The following CSMD3 variants were observed in gnomAD, a reference collection of about 807,000 sequenced individuals.
CSMD3 encodes CUB and Sushi multiple domains 3, also known as CUB and sushi domain-containing protein 3.
CSMD3 carries 177 observed loss-of-function variants against 435.2 expected under a neutral mutation model. The observed-to-expected ratio is 0.41, with a 90% CI of 0.36 to 0.46. The LOEUF (loss-of-function observed/expected upper bound fraction) is 0.46. CSMD3 is among the 20% of genes least tolerant of loss of function. The probability of loss-of-function intolerance (pLI) is 0.34; values close to 1 mark genes in which losing one functional copy is unlikely to be tolerated. For missense variants in CSMD3, 4,265 were observed against 4,504.6 expected (o/e 0.95, Z 1.52); for synonymous variants, 1,656 against 1,520.5 (o/e 1.09, Z -2.07).
intron 28 of CSMD3, among the ~76,000 whole-genome samples, chr8:112,516,013 G>A (rs1823636194): frequency 6.6e-6 from 1 of 152,014 alleles, no homozygotes; most frequent in South Asian, 2.1e-4. Context: ...ACAAGATGGG[G>A]TAAAATAAAT....
chr8:113,111,003 C>T (rs563961206), intron 4 of CSMD3, among the ~76,000 whole-genome samples: 1 of 152,106 alleles, frequency 6.6e-6, no homozygotes, highest in South Asian at 2.1e-4. Context: ...GGCACTATTC[C>T]CATTCATGAG....
chr8:112,337,941 CAATT>C (rs1421575785), intron 42 of CSMD3, among the ~76,000 whole-genome samples: 1 of 152,092 alleles, frequency 6.6e-6, no homozygotes, highest in Non-Finnish European at 1.5e-5. Flanking sequence ...AATGTTAGTA[CAATT>C]AATAAAAACG....
At chr8:112,451,433 TTAAAAG>T (rs1816255468) in intron 32 of CSMD3, among the ~76,000 whole-genome samples, 2 of 152,284 alleles carry the variant, frequency 1.3e-5, no homozygotes, top group South Asian at 2.1e-4. Flanking sequence ...TCAATATGAT[TTAAAAG>T]TAAAAGTTTT....
chr8:113,295,100 GCATATAATAAGC>G (rs1342065391), intron 2 of CSMD3, among the ~76,000 whole-genome samples: 3 of 152,050 alleles, frequency 2.0e-5, no homozygotes, highest in Non-Finnish European at 2.9e-5. Context: ...TTTGAAACAG[GCATATAATAAGC>G]CATAATCACA....
chr8:112,273,153 AT>A lies in CSMD3; in HGVS notation c.9509-7564del, dbSNP rs576489379. Among the ~76,000 whole-genome samples, 20 of 152,324 alleles carry A rather than the reference AT, an allele frequency of 1.3e-4. No homozygotes were observed. In the South Asian group the frequency reaches 3.7e-3, roughly 28 times the overall value. On this transcript the variant is annotated intron_variant, in intron 59 of 70. Transcript: ENST00000297405. ...GAAAAATGAAGACAATTCAATAAAA[AT>A]GTCAATGTAATTTTCAATCACAAAA...
chr8:113,234,090 C>T (rs1335931905), intron 3 of CSMD3, among the ~76,000 whole-genome samples: 3 of 152,060 alleles, frequency 2.0e-5, no homozygotes, highest in Admixed American at 2.0e-4. Flanking sequence ...AAAAAATATC[C>T]TTGGAAAGAT....
chr8:112,243,651 T>G (rs1056769606), intron 65 of CSMD3, among the ~76,000 whole-genome samples: 2 of 152,116 alleles, frequency 1.3e-5, no homozygotes, highest in African/African-American at 4.8e-5. Flanking sequence ...CTACTAGGGT[T>G]ACTCTGGCAG....
In CSMD3 at chr8:112,304,896, G is replaced by C. The variant is rs753078472; in HGVS notation, c.8091C>G (p.Ile2697Met). The C allele has an allele frequency of 1.9e-6, 3 of 1,613,590 alleles. No homozygotes were observed. Among genetic ancestry groups the C allele is most frequent in the South Asian group, 1.1e-5 (1 of 91,050 alleles). The change falls in exon 52 of 71, where the codon ATC becomes ATG. Residue 2697 changes from isoleucine (I) to methionine (M), a missense_variant. Ile to Met is a conservative substitution (Grantham distance 10, BLOSUM62 1). Around this residue, in one of 3 missense-constraint regions of CSMD3, gnomAD observed 3,255 missense variants for 3,380.2 expected, o/e 0.96. Coordinates refer to ENST00000297405, the MANE Select transcript of CSMD3 (RefSeq NM_198123.2). ...TTCCATGTTCCAAGATAAAGGAATT[G>C]ATGCTTGGACATGTAACAACTATAC... is the stretch of plus-strand genomic sequence containing the variant. The part of the protein sequence containing the change: ...PRCVVVTCPS[I>M]NSFILEHGRW...
intron 11 of CSMD3, among the ~76,000 whole-genome samples, chr8:112,842,925 T>C (rs1471264584): frequency 6.6e-6 from 1 of 151,838 alleles, no homozygotes; most frequent in Non-Finnish European, 1.5e-5. Context: ...TGATTCAAGA[T>C]GTTAAAATGA....
intron 68 of CSMD3, 120 bp from the exon 69 acceptor site, chr8:112,231,752 AT>A (rs1415000894): frequency 2.7e-6 from 2 of 746,406 alleles, no homozygotes; most frequent in Admixed American, 2.3e-5. Context: ...TTTCTTCTAT[AT>A]TTTTCTCCTT....
chr8:113,398,232 T>G (rs999242733), intron 1 of CSMD3, among the ~76,000 whole-genome samples: 1 of 152,228 alleles, frequency 6.6e-6, no homozygotes, highest in African/African-American at 2.4e-5. Flanking sequence ...GCTTAAGGTA[T>G]GAAATAATTA....
chr8:112,299,075 G>A (rs183525639), intron 53 of CSMD3, among the ~76,000 whole-genome samples: 1 of 152,028 alleles, frequency 6.6e-6, no homozygotes, highest in Admixed American at 6.6e-5. Flanking sequence ...AGATAAAAGA[G>A]AATAAAAGAA....
intron 31 of CSMD3, among the ~76,000 whole-genome samples, chr8:112,491,522 C>T (rs566413612): frequency 8.6e-5 from 13 of 152,028 alleles, no homozygotes; most frequent in African/African-American, 2.4e-4. Context: ...TGGTGGTGTG[C>T]ACCTGTAATC....
At chr8:113,025,549 G>A (rs909896086) in intron 5 of CSMD3, among the ~76,000 whole-genome samples, 1 of 152,162 alleles carries the variant, frequency 6.6e-6, no homozygotes, top group Non-Finnish European at 1.5e-5. Flanking sequence ...TGGTCCAGGA[G>A]CATACCGATG....
At chr8:112,444,263 T>G (rs1238283952) in intron 32 of CSMD3, among the ~76,000 whole-genome samples, 2 of 152,218 alleles carry the variant, frequency 1.3e-5, no homozygotes, top group Non-Finnish European at 2.9e-5. Context: ...TTAGCAAGTG[T>G]GTAAAATGGT....
chr8:112,341,089 A>G (rs1000347209), intron 42 of CSMD3, among the ~76,000 whole-genome samples: 2 of 152,134 alleles, frequency 1.3e-5, no homozygotes, highest in Non-Finnish European at 2.9e-5. Flanking sequence ...AAGTAAAAGA[A>G]CATTTTACAT....
chr8:112,748,081 C>T, intron 13 of CSMD3, among the ~76,000 whole-genome samples: 1 of 151,906 alleles, frequency 6.6e-6, no homozygotes, highest in East Asian at 1.9e-4. Flanking sequence ...TCCCACAGCC[C>T]TAGCTTTGGT....
intron 7 of CSMD3, among the ~76,000 whole-genome samples, chr8:112,974,935 C>A (rs2084791101): frequency 6.6e-6 from 1 of 151,456 alleles, no homozygotes; most frequent in Non-Finnish European, 1.5e-5. Flanking sequence ...ATTTTGATAT[C>A]TTGGAAATGT....
chr8:112,320,363 C>T (rs1822876357), intron 45 of CSMD3, among the ~76,000 whole-genome samples: 1 of 152,136 alleles, frequency 6.6e-6, no homozygotes. Context: ...AAGTGCATGG[C>T]ATACAGCAAT....
Sources: gnomAD v4.1 joint callset for allele counts (sites outside exome capture counted in the v4.1 genomes callset) on GRCh38, gnomAD v4.1.1 for gene constraint, gnomAD v4.1.1 regional missense constraint, MANE v1.5 for transcripts, NCBI Gene and HGNC (gene_info 2026-07-23, HGNC 2026-07-21) for gene names.